Variants in PRXL2C observed in about 807,000 individuals in gnomAD.
PRXL2C encodes the protein peroxiredoxin like 2C.
A neutral mutation model predicts 24.9 loss-of-function variants in PRXL2C; 38 were observed. The observed-to-expected ratio is 1.53, with a 90% CI of 1.18 to 2.00. The LOEUF is 2.00. PRXL2C is among the 30% of genes most tolerant of loss of function. The pLI is 0.00. For missense variants in PRXL2C, 294 were observed against 290.9 expected (o/e 1.01, Z -0.08); for synonymous variants, 98 against 117.2 (o/e 0.84, Z 1.06).
chr9:96,648,289 T>C (rs558557092), intron 4 of PRXL2C, among the ~76,000 whole-genome samples: 1 of 152,234 alleles, frequency 6.6e-6, no homozygotes, highest in Non-Finnish European at 1.5e-5. Flanking sequence ...AGCCTAGAAC[T>C]AAGTAATCTT....
intron 2 of PRXL2C, among the ~76,000 whole-genome samples, chr9:96,653,096 G>A (rs1252874111): frequency 1.3e-5 from 2 of 151,984 alleles, no homozygotes; most frequent in Non-Finnish European, 2.9e-5. Context: ...CGTGGTGGCG[G>A]GCGCCTGTTA....
intron 4 of PRXL2C, among the ~76,000 whole-genome samples, chr9:96,649,646 C>T (rs560750439): frequency 5.4e-4 from 82 of 151,786 alleles, no homozygotes; most frequent in African/African-American, 2.0e-3. Flanking sequence ...CCAGACCCAT[C>T]CCCTCCTCTC....
Position 96,655,148 on chromosome 9 carries a change from TGCCCGC to T in PRXL2C, c.128_133del (p.Arg43_Gly44del). The T allele has an allele frequency of 7.6e-7, 1 of 1,318,560 alleles. No homozygotes were observed. The highest frequency in any genetic ancestry group is 9.6e-7 in the Non-Finnish European group (1 of 1,039,810). 81.7% of individuals were successfully genotyped at this position (1,318,560 alleles called of 1,614,324 possible). On this transcript the variant is annotated inframe_deletion, in exon 1 of 6. Transcript: ENST00000375234. ...GAACAGCGCGCCGAACGGTACCCGC[TGCCCGC>T]GGGCGTCCAGCACCGGCAGCTCGGC...
intron 4 of PRXL2C, among the ~76,000 whole-genome samples, chr9:96,650,854 T>C (rs576106595): frequency 1.3e-5 from 2 of 152,304 alleles, no homozygotes; most frequent in African/African-American, 4.8e-5. Flanking sequence ...CTTTTTGTTT[T>C]CACAAAAATG....
intron 1 of PRXL2C, 148 bp from the exon 2 acceptor site, chr9:96,654,921 C>A: frequency 8.4e-7 from 1 of 1,187,632 alleles, no homozygotes; most frequent in Non-Finnish European, 1.1e-6. Flanking sequence ...GCGTGGGAAG[C>A]GGGCCTCGCC....
chr9:96,646,071 G>C, intron 4 of PRXL2C, 47 bp from the exon 5 acceptor site: 1 of 1,524,192 alleles, frequency 6.6e-7, no homozygotes, highest in South Asian at 1.2e-5. Context: ...TATTCAATTT[G>C]ATATTAAGAA....
At chr9:96,645,654 G>A (rs1307677015) in intron 5 of PRXL2C, among the ~76,000 whole-genome samples, 2 of 151,842 alleles carry the variant, frequency 1.3e-5, no homozygotes, top group Non-Finnish European at 2.9e-5. Flanking sequence ...AAAATTAGCC[G>A]GGCGTCGTGG....
intron 5 of PRXL2C, among the ~76,000 whole-genome samples, chr9:96,645,291 C>A (rs921634750): frequency 6.6e-6 from 1 of 151,954 alleles, no homozygotes; most frequent in African/African-American, 2.4e-5. Context: ...TCCTAAATAG[C>A]GGAGTGTGTG....
chr9:96,652,515 C>T (rs1471113766), intron 2 of PRXL2C, among the ~76,000 whole-genome samples: 4 of 144,658 alleles, frequency 2.8e-5, no homozygotes, highest in African/African-American at 7.8e-5. Flanking sequence ...AATAAGACTC[C>T]GCCTCAAAAA....
At chr9:96,649,954 T>C (rs1021447016) in intron 4 of PRXL2C, among the ~76,000 whole-genome samples, 13 of 152,202 alleles carry the variant, frequency 8.5e-5, no homozygotes, top group African/African-American at 2.2e-4. Context: ...CCTGTATTTT[T>C]CTGAAGGAGT....
chr9:96,645,201 G>A (rs967565567), intron 5 of PRXL2C, among the ~76,000 whole-genome samples: 14 of 151,468 alleles, frequency 9.2e-5, no homozygotes, highest in Non-Finnish European at 7.4e-5. Flanking sequence ...AAACCACCGC[G>A]CCCGGCTGGA....
intron 2 of PRXL2C, among the ~76,000 whole-genome samples, chr9:96,652,112 G>A (rs903448901): frequency 6.6e-6 from 1 of 152,154 alleles, no homozygotes; most frequent in Non-Finnish European, 1.5e-5. Context: ...CAACAGAGAA[G>A]AGACAACTCA....
chr9:96,651,804 A>G, intron 2 of PRXL2C, 92 bp from the exon 3 acceptor site: 1 of 1,092,568 alleles, frequency 9.2e-7, no homozygotes, highest in Non-Finnish European at 1.3e-6. Context: ...TTTCATTCTA[A>G]TGCCACCTAT....
At chr9:96,652,250 C>T (rs1257234755) in intron 2 of PRXL2C, among the ~76,000 whole-genome samples, 5 of 152,178 alleles carry the variant, frequency 3.3e-5, no homozygotes, top group Admixed American at 3.3e-4. Flanking sequence ...AAGGGCTGAG[C>T]ATGGTGGCTT....
At chr9:96,654,839 T>G (rs1051104333) in intron 1 of PRXL2C, 66 bp from the exon 2 acceptor site, 18 of 1,456,946 alleles carry the variant, frequency 1.2e-5, no homozygotes, top group South Asian at 8.8e-5. Flanking sequence ...GAAGGATCCC[T>G]GTACTTCGCC....
intron 3 of PRXL2C, 80 bp from the exon 4 acceptor site, chr9:96,651,575 C>T: frequency 6.5e-7 from 1 of 1,547,220 alleles, no homozygotes; most frequent in Non-Finnish European, 8.9e-7. Flanking sequence ...GCCAACTTAG[C>T]CTACATTTAG....
chr9:96,649,507 T>C, intron 4 of PRXL2C, among the ~76,000 whole-genome samples: 1 of 134,612 alleles, frequency 7.4e-6, no homozygotes, highest in African/African-American at 3.8e-5. Flanking sequence ...GAGGTTGCAG[T>C]GAGCCGAGAT....
At chr9:96,649,600 A>T (rs926783445) in intron 4 of PRXL2C, among the ~76,000 whole-genome samples, 1 of 151,194 alleles carries the variant, frequency 6.6e-6, no homozygotes, top group Non-Finnish European at 1.5e-5. Flanking sequence ...AAACCCATCA[A>T]TAAAGGGATC....
chr9:96,646,741 G>A (rs973825045), intron 4 of PRXL2C, among the ~76,000 whole-genome samples: 7 of 152,164 alleles, frequency 4.6e-5, no homozygotes, highest in African/African-American at 9.7e-5. Flanking sequence ...CCTGGATCCC[G>A]GAACTGCTGC....
Sources: allele counts gnomAD v4.1 joint callset (sites outside exome capture counted in the v4.1 genomes callset), GRCh38; gene constraint gnomAD v4.1.1; transcripts MANE v1.5; gene names NCBI Gene and HGNC (gene_info 2026-07-23, HGNC 2026-07-21).